ZSCAN25: variants seen among roughly 807,000 people sequenced by gnomAD.
The protein encoded by ZSCAN25 is zinc finger and SCAN domain-containing protein 25.
A neutral mutation model predicts 38.7 loss-of-function variants in ZSCAN25; 27 were observed. The observed-to-expected ratio is 0.70, with a 90% CI of 0.51 to 0.96. ZSCAN25 has a LOEUF of 0.96. Ranked by LOEUF, ZSCAN25 falls within the 40% of genes least tolerant of loss-of-function variation. ZSCAN25 has a pLI of 0.00. For missense variants in ZSCAN25, 637 were observed against 705.9 expected (o/e 0.90, Z 1.11); for synonymous variants, 273 against 277.7 (o/e 0.98, Z 0.17).
the ZSCAN25 span, among the ~76,000 whole-genome samples, chr7:99,644,779 C>T: frequency 6.6e-6 from 1 of 152,170 alleles, no homozygotes; most frequent in Non-Finnish European, 1.5e-5. Context: ...ATCTGGTCTC[C>T]TTTCTTTCCT....
At chr7:99,674,474 A>C in the ZSCAN25 span, 11 of 1,369,776 alleles carry the variant, frequency 8.0e-6, no homozygotes, top group Non-Finnish European at 2.1e-6. Context: ...ACTATCCTGC[A>C]GTGGGGTAAC....
At chr7:99,659,485 A>G in the ZSCAN25 span, 839 of 154,028 alleles carry the variant, frequency 5.4e-3, 6 homozygotes, top group African/African-American at 0.019. Flanking sequence ...GTCTGCCCCT[A>G]CTGGGGGGTG....
the ZSCAN25 span, among the ~76,000 whole-genome samples, chr7:99,724,015 A>G: frequency 6.6e-6 from 1 of 152,168 alleles, no homozygotes; most frequent in African/African-American, 2.4e-5. Flanking sequence ...CTGGGTCACA[A>G]GTATCACCTT....
the ZSCAN25 span, among the ~76,000 whole-genome samples, chr7:99,737,338 G>T: frequency 3.3e-5 from 5 of 152,070 alleles, no homozygotes; most frequent in Non-Finnish European, 7.4e-5. Context: ...AAGACTCAAG[G>T]CTGCAACCAG....
At chr7:99,711,542 G>T in the ZSCAN25 span, among the ~76,000 whole-genome samples, 2 of 152,194 alleles carry the variant, frequency 1.3e-5, no homozygotes, top group East Asian at 3.9e-4. Context: ...GCCAAGGTGG[G>T]TGGATCACCC....
At chr7:99,640,261 C>T in the ZSCAN25 span, among the ~76,000 whole-genome samples, 400 of 152,312 alleles carry the variant, frequency 2.6e-3, 2 homozygotes, top group African/African-American at 7.3e-3. Context: ...CAGGTTCAAG[C>T]AGTTCTCCTG....
intron 7 of ZSCAN25, among the ~76,000 whole-genome samples, chr7:99,626,766 GC>G (rs1015492157): frequency 3.3e-5 from 5 of 152,180 alleles, no homozygotes; most frequent in African/African-American, 1.2e-4. Flanking sequence ...ATGAACCATT[GC>G]ATTCCTGCTC....
chr7:99,710,719 A>C, the ZSCAN25 span: 1 of 1,613,776 alleles, frequency 6.2e-7, no homozygotes, highest in Non-Finnish European at 8.5e-7. Context: ...TTCTCCATGT[A>C]CTGTCCACTC....
the ZSCAN25 span, chr7:99,674,617 T>A: frequency 6.3e-7 from 1 of 1,583,804 alleles, no homozygotes; most frequent in African/African-American, 1.3e-5. Flanking sequence ...AAGTTGATTA[T>A]TATTTTAAAT....
At chr7:99,736,414 G>A in the ZSCAN25 span, among the ~76,000 whole-genome samples, 43 of 152,318 alleles carry the variant, frequency 2.8e-4, no homozygotes, top group African/African-American at 9.1e-4. Context: ...TCTAATGGGA[G>A]GAGAGCAGGT....
chr7:99,672,139 C>T, the ZSCAN25 span, among the ~76,000 whole-genome samples: 2 of 152,098 alleles, frequency 1.3e-5, no homozygotes, highest in Non-Finnish European at 2.9e-5. Flanking sequence ...GCAACCTCCG[C>T]CTCCCAGGTT....
chr7:99,667,175 A>G, the ZSCAN25 span: 1 of 890,684 alleles, frequency 1.1e-6, no homozygotes, highest in Non-Finnish European at 1.5e-6. Flanking sequence ...TTGACTGTAT[A>G]TGATATTATG....
At chr7:99,682,189 T>G in the ZSCAN25 span, among the ~76,000 whole-genome samples, 1 of 152,170 alleles carries the variant, frequency 6.6e-6, no homozygotes, top group East Asian at 1.9e-4. Flanking sequence ...AGGCTGGTCT[T>G]GAACTCCTGA....
chr7:99,716,981 G>A, the ZSCAN25 span, among the ~76,000 whole-genome samples: 1 of 152,204 alleles, frequency 6.6e-6, no homozygotes, highest in South Asian at 2.1e-4. Flanking sequence ...GCACAGGGGA[G>A]AAGATCCTTT....
downstream of ZSCAN25, among the ~76,000 whole-genome samples, chr7:99,636,506 G>A (rs1410775191): frequency 2.0e-5 from 3 of 152,032 alleles, no homozygotes; most frequent in African/African-American, 7.2e-5. Context: ...ATACAATATG[G>A]CCAAAGCGTG....
chr7:99,660,593 C>T, the ZSCAN25 span: 1 of 1,613,992 alleles, frequency 6.2e-7, no homozygotes, highest in Non-Finnish European at 8.5e-7. Flanking sequence ...AAGAACACTG[C>T]TGGTGGTTTC....
At chr7:99,715,661 T>C in the ZSCAN25 span, 3 of 1,592,372 alleles carry the variant, frequency 1.9e-6, no homozygotes, top group Non-Finnish European at 2.6e-6. Flanking sequence ...CATTAAACTG[T>C]ACATTTTAAG....
chr7:99,660,657 G>T, the ZSCAN25 span: 1 of 1,613,644 alleles, frequency 6.2e-7, no homozygotes, highest in South Asian at 1.1e-5. Context: ...AGATCAGACA[G>T]AGCTGAAAGG....
chr7:99,672,496 C>T, the ZSCAN25 span: 2 of 1,222,154 alleles, frequency 1.6e-6, no homozygotes, highest in South Asian at 1.2e-5. Context: ...TTTAGGTAAC[C>T]TTCTGTGAAT....
Sources: gnomAD v4.1 joint callset for allele counts (sites outside exome capture counted in the v4.1 genomes callset) on GRCh38, gnomAD v4.1.1 for gene constraint, MANE v1.5 for transcripts, NCBI Gene and HGNC (gene_info 2026-07-23, HGNC 2026-07-21) for gene names.